Variants in PTPRD observed in about 807,000 individuals in gnomAD.
The protein encoded by PTPRD is protein tyrosine phosphatase receptor type D, also known as receptor-type tyrosine-protein phosphatase delta.
Under a neutral mutation model 214.5 loss-of-function variants are expected in PTPRD, and 34 were observed. The ratio of observed to expected loss-of-function variants is 0.16; its 90% CI spans 0.12 to 0.21. PTPRD has a LOEUF of 0.21. Ranked by LOEUF, PTPRD falls within the 10% of genes least tolerant of loss-of-function variation. The pLI, the probability that PTPRD is intolerant of heterozygous loss-of-function variation, is 1.00. For synonymous variants in PTPRD, 1,128 were observed against 845.7 expected (o/e 1.33, Z -5.79); for missense variants, 2,545 against 2,398.7 (o/e 1.06, Z -1.27).
chr9:8,680,263 G>A (rs559159303), intron 12 of PTPRD, among the ~76,000 whole-genome samples: 2 of 152,252 alleles, frequency 1.3e-5, no homozygotes, highest in East Asian at 3.9e-4. Context: ...ATGTTGAAAA[G>A]AACCCACAGT....
intron 2 of PTPRD, among the ~76,000 whole-genome samples, chr9:10,417,784 C>T (rs1300055593): frequency 7.9e-5 from 12 of 151,832 alleles, no homozygotes. Context: ...CTGAATATAG[C>T]CAATATGAAC....
At chr9:9,687,480 G>A (rs955890912) in intron 7 of PTPRD, among the ~76,000 whole-genome samples, 8 of 151,680 alleles carry the variant, frequency 5.3e-5, no homozygotes, top group African/African-American at 1.2e-4. Context: ...CACCAGTTAT[G>A]TTTTCTCTAG....
chr9:9,400,243 T>G (rs1428577597), intron 8 of PTPRD, among the ~76,000 whole-genome samples: 1 of 151,960 alleles, frequency 6.6e-6, no homozygotes, highest in Non-Finnish European at 1.5e-5. Context: ...CAGAGATCTA[T>G]GGCTTCCTAC....
chr9:9,287,758 A>G (rs1949969581), intron 9 of PTPRD, among the ~76,000 whole-genome samples: 1 of 151,908 alleles, frequency 6.6e-6, no homozygotes, highest in Non-Finnish European at 1.5e-5. Context: ...TGAGAAACAC[A>G]TTTGTATAAG....
intron 3 of PTPRD, among the ~76,000 whole-genome samples, chr9:10,178,634 T>C (rs1222858301): frequency 6.6e-6 from 1 of 151,950 alleles, no homozygotes; most frequent in Non-Finnish European, 1.5e-5. Flanking sequence ...TCCTACACAA[T>C]GAAATTTAAA....
At chr9:10,154,051 A>G (rs971056772) in intron 3 of PTPRD, among the ~76,000 whole-genome samples, 3 of 152,268 alleles carry the variant, frequency 2.0e-5, no homozygotes, top group Admixed American at 1.3e-4. Context: ...AAATTACCAC[A>G]CTGCTTTCTA....
chr9:8,717,642 A>T (rs895266183), intron 12 of PTPRD, among the ~76,000 whole-genome samples: 1 of 152,172 alleles, frequency 6.6e-6, no homozygotes, highest in Non-Finnish European at 1.5e-5. Context: ...GAATAAACTG[A>T]GGGGCATTTT....
intron 8 of PTPRD, among the ~76,000 whole-genome samples, chr9:9,547,796 TCACACACACA>T (rs35772205): frequency 5.6e-5 from 8 of 142,372 alleles, no homozygotes; most frequent in African/African-American, 1.0e-4. Flanking sequence ...AAACACAAAT[TCACACACACA>T]CACACACACA....
At chr9:10,518,368 T>C (rs997873930) in intron 2 of PTPRD, among the ~76,000 whole-genome samples, 25 of 152,034 alleles carry the variant, frequency 1.6e-4, no homozygotes, top group African/African-American at 5.1e-4. Context: ...ATTACCTACA[T>C]GTAGGGCAAA....
rs796159520 is a variant in PTPRD at position 10,162,320 on chromosome 9, T to A, written c.-544-128530A>T. On this transcript the variant is annotated intron_variant, in intron 3 of 45. Coordinates refer to ENST00000381196, the MANE Select transcript of PTPRD (RefSeq NM_002839.4). ...AATTGCCTGTCAATGTATGAATGGA[T>A]AAAGGAAATGTGATATATATACACA... Among the ~76,000 whole-genome samples the A allele has an allele frequency of 7.3e-5, 11 of 151,576 alleles. 1 individual carries two copies. Among genetic ancestry groups the A allele is most frequent in the African/African-American group, 2.4e-4 (10 of 41,464 alleles).
At position 8,314,249 on chromosome 9, in the gene PTPRD, A is replaced by G. The variant is rs1254061183; in HGVS notation, c.*3625T>C. The G allele has an allele frequency of 1.4e-5, 3 of 207,646 alleles. No homozygotes were observed. Among genetic ancestry groups the G allele is most frequent in the Non-Finnish European group, 3.0e-5 (3 of 101,506 alleles). The allele number at this position is 207,646 out of a possible 1,614,324, so 12.9% of individuals were successfully genotyped here. ...GGACAAAAGCAAAGGCCAGGGCTGC[A>G]TAACACTGACATTTTTATTAGAATT... On this transcript the variant is annotated 3_prime_UTR_variant, in exon 46 of 46. Transcript: ENST00000381196.
At chr9:9,952,849 T>C (rs1055225304) in intron 4 of PTPRD, among the ~76,000 whole-genome samples, 14 of 152,100 alleles carry the variant, frequency 9.2e-5, no homozygotes, top group Non-Finnish European at 2.1e-4. Context: ...TGCACAGTGT[T>C]TCTGATCTGT....
At chr9:9,016,853 A>G (rs974923260) in intron 11 of PTPRD, among the ~76,000 whole-genome samples, 3 of 152,132 alleles carry the variant, frequency 2.0e-5, no homozygotes, top group Non-Finnish European at 4.4e-5. Flanking sequence ...CAATCCTGTC[A>G]CTAGGCAGTA....
chr9:8,525,362 A>G (rs143127134), intron 17 of PTPRD, among the ~76,000 whole-genome samples: 147 of 152,264 alleles, frequency 9.7e-4, no homozygotes, highest in African/African-American at 3.2e-3. Context: ...TATGGCTTTT[A>G]AATAAAACAA....
At chr9:10,222,378 C>G (rs1430337867) in intron 3 of PTPRD, among the ~76,000 whole-genome samples, 1 of 151,892 alleles carries the variant, frequency 6.6e-6, no homozygotes, top group African/African-American at 2.4e-5. Flanking sequence ...GTTTCTAAAA[C>G]AAAAACAAAT....
chr9:9,296,976 T>C (rs1953303897), intron 9 of PTPRD, among the ~76,000 whole-genome samples: 1 of 151,744 alleles, frequency 6.6e-6, no homozygotes, highest in Non-Finnish European at 1.5e-5. Context: ...CTATAAAACT[T>C]CTTTAACTGT....
intron 2 of PTPRD, among the ~76,000 whole-genome samples, chr9:10,375,153 T>C (rs886548425): frequency 1.6e-4 from 24 of 152,062 alleles, no homozygotes; most frequent in African/African-American, 5.8e-4. Context: ...CATGGCAACA[T>C]AGATATTTTC....
rs753172624 is a variant in PTPRD, at chr9:8,517,953, C to T, written c.1438G>A (p.Gly480Ser). Residue 480 changes from glycine to serine, a missense_variant, in exon 21 of 46, where the codon GGC becomes AGC. Transcript: ENST00000381196. Reference sequence around the variant, plus strand: ...TATGTTTTCTGGGGCACTAAGTTGCCAATAGTAGTGATTTGGCTGTCAGCT... The same window carrying T: ...TATGTTTTCTGGGGCACTAAGTTGCTAATAGTAGTGATTTGGCTGTCAGCT... ...NVADSQITTI[G>S]NLVPQKTYSV... 6.2e-7 allele frequency: 1 copy of T among 1,614,138 alleles called. No homozygotes were observed. Among genetic ancestry groups the T allele is most frequent in the Admixed American group, 1.7e-5 (1 of 60,020 alleles).
chr9:8,563,070 T>C (rs1276811777), intron 14 of PTPRD, among the ~76,000 whole-genome samples: 1 of 152,200 alleles, frequency 6.6e-6, no homozygotes, highest in East Asian at 1.9e-4. Flanking sequence ...AATAAACTAC[T>C]GATATGTTGA....
Sources: gnomAD v4.1 joint callset for allele counts (sites outside exome capture counted in the v4.1 genomes callset) on GRCh38, gnomAD v4.1.1 for gene constraint, MANE v1.5 for transcripts, NCBI Gene and HGNC (gene_info 2026-07-23, HGNC 2026-07-21) for gene names.